PCDHGB3: variants seen among roughly 807,000 people sequenced by gnomAD.
PCDHGB3 encodes the protein protocadherin gamma subfamily B, 3, also known as protocadherin gamma-B3.
In PCDHGB3, 40 loss-of-function variants were observed where a neutral mutation model predicts 59.2. That is an observed-to-expected ratio of 0.68 (90% CI 0.52 to 0.88). The LOEUF (loss-of-function observed/expected upper bound fraction) is 0.88, where lower values mean the gene tolerates loss of function less well. Among genes scored for constraint, PCDHGB3 ranks in the 40% least tolerant of loss-of-function variants. The pLI is 0.00. For missense variants in PCDHGB3, 1,309 were observed against 1,187.9 expected, an observed-to-expected ratio of 1.10 and a Z score of -1.50; for synonymous variants, 581 against 503.6, an observed-to-expected ratio of 1.15 and a Z score of -2.06.
intron 1 of PCDHGB3, chr5:141,418,551 T>A (rs766987131): frequency 1.2e-6 from 2 of 1,614,026 alleles, no homozygotes; most frequent in South Asian, 2.2e-5. Context: ...ATAAGAATCC[T>A]GGTAATAGAT....
intron 1 of PCDHGB3, chr5:141,423,365 T>A (rs1338039878): frequency 1.9e-6 from 3 of 1,614,096 alleles, no homozygotes; most frequent in South Asian, 1.1e-5. Context: ...ATCGTGCTGC[T>A]GGCACTCAGG....
intron 1 of PCDHGB3, among the ~76,000 whole-genome samples, chr5:141,474,311 G>T (rs1374954373): frequency 1.3e-5 from 2 of 152,134 alleles, no homozygotes. Context: ...AAACTTTAAT[G>T]TGTTTTCAAA....
intron 1 of PCDHGB3, chr5:141,413,963 C>T (rs1368202031): frequency 6.8e-6 from 11 of 1,613,446 alleles, no homozygotes; most frequent in Non-Finnish European, 9.3e-6. Context: ...CCTGTGGGCA[C>T]TCAGCTGCTG....
At chr5:141,433,195 T>C (rs765385329) in intron 1 of PCDHGB3, 8 of 1,582,476 alleles carry the variant, frequency 5.1e-6, no homozygotes, top group Non-Finnish European at 6.9e-6. Flanking sequence ...TGAGTTTATA[T>C]CAAATCTTCT....
At chr5:141,375,397 C>G (rs751405619) in intron 1 of PCDHGB3, 3 of 1,613,892 alleles carry the variant, frequency 1.9e-6, no homozygotes, top group East Asian at 4.5e-5. Flanking sequence ...AAACAATCAT[C>G]TCTCTAAATG....
chr5:141,451,007 T>A (rs2098704118), intron 1 of PCDHGB3, among the ~76,000 whole-genome samples: 1 of 151,594 alleles, frequency 6.6e-6, no homozygotes, highest in Non-Finnish European at 1.5e-5. Flanking sequence ...TTGTATTTTT[T>A]TTAGTAGAGA....
At chr5:141,373,933 A>G (rs1769964265) in intron 1 of PCDHGB3, 3 of 692,378 alleles carry the variant, frequency 4.3e-6, no homozygotes, top group South Asian at 3.7e-5. Context: ...ACGGGAAAGC[A>G]GGAAAGCTGT....
intron 1 of PCDHGB3, chr5:141,405,312 A>G: frequency 1.2e-6 from 2 of 1,614,208 alleles, no homozygotes; most frequent in Non-Finnish European, 8.5e-7. Context: ...AGCTGTGAGA[A>G]AAATGAGCCT....
chr5:141,471,003 C>A (rs2099246040), intron 1 of PCDHGB3, among the ~76,000 whole-genome samples: 1 of 151,658 alleles, frequency 6.6e-6, no homozygotes, highest in East Asian at 1.9e-4. Flanking sequence ...AGGCATGAGC[C>A]ACTGTGCCTG....
chr5:141,497,877 G>C (rs1057284578), intron 2 of PCDHGB3, among the ~76,000 whole-genome samples: 6 of 152,148 alleles, frequency 3.9e-5, no homozygotes, highest in Admixed American at 2.6e-4. Context: ...AGTGAAATAA[G>C]CGTTAGGATC....
At chr5:141,404,107 T>C in intron 1 of PCDHGB3, 1 of 1,613,552 alleles carries the variant, frequency 6.2e-7, no homozygotes, top group Non-Finnish European at 8.5e-7. Flanking sequence ...TTGTCTGTTC[T>C]ATCCAGGAGA....
chr5:141,434,027 G>A (rs887125944), intron 1 of PCDHGB3, among the ~76,000 whole-genome samples: 3 of 152,130 alleles, frequency 2.0e-5, no homozygotes, highest in Non-Finnish European at 2.9e-5. Flanking sequence ...GATTCTGGAA[G>A]CATGGTTTTC....
At chr5:141,501,318 C>T (rs1273608837) in intron 2 of PCDHGB3, among the ~76,000 whole-genome samples, 1 of 151,766 alleles carries the variant, frequency 6.6e-6, no homozygotes, top group African/African-American at 2.4e-5. Flanking sequence ...CACACACACA[C>T]ACACACACAC....
At chr5:141,412,922 A>G in intron 1 of PCDHGB3, 1 of 420,478 alleles carries the variant, frequency 2.4e-6, no homozygotes, top group Non-Finnish European at 4.2e-6. Flanking sequence ...ACTTGGGTGC[A>G]GTAACTTCTT....
intron 1 of PCDHGB3, chr5:141,393,440 C>G (rs777552488): frequency 6.2e-7 from 1 of 1,614,042 alleles, no homozygotes; most frequent in Admixed American, 1.7e-5. Context: ...CTGCTCACCA[C>G]CTGGTCCTCA....
intron 1 of PCDHGB3, chr5:141,402,950 G>A (rs992704558): frequency 2.5e-6 from 4 of 1,596,662 alleles, no homozygotes; most frequent in Non-Finnish European, 3.4e-6. Flanking sequence ...AAGCGAGGCA[G>A]CAATGGCAGC....
intron 1 of PCDHGB3, chr5:141,390,193 A>G (rs1189352664): frequency 6.2e-7 from 1 of 1,614,060 alleles, no homozygotes; most frequent in African/African-American, 1.3e-5. Context: ...TGTAGTGAGC[A>G]GTTGAGTTCA....
chr5:141,473,079 A>G (rs1389177835), intron 1 of PCDHGB3, among the ~76,000 whole-genome samples: 2 of 152,086 alleles, frequency 1.3e-5, no homozygotes, highest in African/African-American at 4.8e-5. Flanking sequence ...ATCTTTGTTT[A>G]TTATCCACTG....
At chr5:141,421,618 G>T (rs748399893) in intron 1 of PCDHGB3, 1 of 1,613,766 alleles carries the variant, frequency 6.2e-7, no homozygotes, top group Non-Finnish European at 8.5e-7. Flanking sequence ...TAATGATAAC[G>T]CCCCCAGCTT....
Sources: gnomAD v4.1 joint callset for allele counts (sites outside exome capture counted in the v4.1 genomes callset) on GRCh38, gnomAD v4.1.1 for gene constraint, MANE v1.5 for transcripts, NCBI Gene and HGNC (gene_info 2026-07-23, HGNC 2026-07-21) for gene names.